Variants in NAALADL2 observed in about 807,000 individuals in gnomAD.
The protein encoded by NAALADL2 is N-acetylated alpha-linked acidic dipeptidase like 2.
Under a neutral mutation model 87.2 loss-of-function variants are expected in NAALADL2, and 76 were observed. The observed-to-expected ratio is 0.87, with a 90% CI of 0.72 to 1.05. The LOEUF is 1.05. Ranked by LOEUF, NAALADL2 falls within the 50% of genes least tolerant of loss-of-function variation. The probability of loss-of-function intolerance (pLI) is 0.00; values close to 1 mark genes in which losing one functional copy is unlikely to be tolerated. For synonymous variants in NAALADL2, 354 were observed against 331.0 expected (o/e 1.07, Z -0.75); for missense variants, 1,089 against 945.8 (o/e 1.15, Z -1.99).
intron 5 of NAALADL2, among the ~76,000 whole-genome samples, chr3:175,339,061 T>C (rs1762321733): frequency 6.6e-6 from 1 of 152,202 alleles, no homozygotes. Context: ...AGCAGAACCC[T>C]GAAGGAGTGG....
chr3:174,476,283 A>G (rs1717205340), intron 1 of NAALADL2, among the ~76,000 whole-genome samples: 1 of 151,428 alleles, frequency 6.6e-6, no homozygotes, highest in African/African-American at 2.4e-5. Context: ...TTTGACGGAC[A>G]GAATTGTTAT....
At chr3:175,498,770 A>G (rs1168445648) in intron 9 of NAALADL2, among the ~76,000 whole-genome samples, 4 of 152,048 alleles carry the variant, frequency 2.6e-5, no homozygotes, top group African/African-American at 9.7e-5. Flanking sequence ...TCCCCCAAAG[A>G]TTCACATGTT....
chr3:175,463,697 C>CGG (rs199840010), intron 7 of NAALADL2, among the ~76,000 whole-genome samples: 8,643 of 104,794 alleles, frequency 0.082, 324 homozygotes, highest in African/African-American at 0.16. Flanking sequence ...AAATCTTAGT[C>CGG]GGGGGAGAGA....
intron 11 of NAALADL2, among the ~76,000 whole-genome samples, chr3:175,643,417 C>T (rs987286652): frequency 9.9e-5 from 15 of 152,252 alleles, no homozygotes; most frequent in East Asian, 1.9e-4. Flanking sequence ...TACTGGGTAA[C>T]GCCAAATTGC....
intron 3 of NAALADL2, among the ~76,000 whole-genome samples, chr3:174,805,872 A>T (rs1719412316): frequency 2.0e-5 from 3 of 149,160 alleles, no homozygotes; most frequent in Admixed American, 6.7e-5. Flanking sequence ...TTTTAGCATA[A>T]ATTATCTACA....
chr3:174,912,578 G>A (rs190790751), intron 1 of NAALADL2, among the ~76,000 whole-genome samples: 138 of 152,228 alleles, frequency 9.1e-4, no homozygotes, highest in Non-Finnish European at 9.7e-4. Context: ...CATGGATAAA[G>A]TCATATTTAC....
At chr3:174,676,340 C>A (rs1727033212) in intron 2 of NAALADL2, among the ~76,000 whole-genome samples, 1 of 151,988 alleles carries the variant, frequency 6.6e-6, no homozygotes, top group Admixed American at 6.6e-5. Context: ...GGAATTAGTT[C>A]AACCATTTTA....
chr3:174,550,134 A>ATTG (rs1322099510), intron 1 of NAALADL2, among the ~76,000 whole-genome samples: 2 of 152,084 alleles, frequency 1.3e-5, no homozygotes, highest in African/African-American at 2.4e-5. Flanking sequence ...AAGCAATCCA[A>ATTG]TTGTTAATTT....
chr3:175,029,157 T>A (rs1752536623), intron 1 of NAALADL2, among the ~76,000 whole-genome samples: 1 of 151,822 alleles, frequency 6.6e-6, no homozygotes. Context: ...CTTTACATGA[T>A]GAACAAAAGA....
At chr3:175,596,039 A>G in intron 10 of NAALADL2, among the ~76,000 whole-genome samples, 2 of 152,180 alleles carry the variant, frequency 1.3e-5, no homozygotes, top group Middle Eastern at 6.8e-3. Flanking sequence ...TAATATTTTT[A>G]AATATAGATT....
intron 2 of NAALADL2, among the ~76,000 whole-genome samples, chr3:175,206,895 G>A (rs911004056): frequency 3.3e-5 from 5 of 152,004 alleles, no homozygotes; most frequent in African/African-American, 1.2e-4. Flanking sequence ...AGCTACTCAG[G>A]TCTTTAAAGA....
At chr3:175,714,603 A>G (rs1030860877) in intron 11 of NAALADL2, among the ~76,000 whole-genome samples, 4 of 151,810 alleles carry the variant, frequency 2.6e-5, no homozygotes, top group African/African-American at 9.7e-5. Flanking sequence ...ACATTTGTTT[A>G]AGTTCTTTGT....
intron 2 of NAALADL2, among the ~76,000 whole-genome samples, chr3:175,157,974 A>G (rs958646479): frequency 6.6e-6 from 1 of 152,130 alleles, no homozygotes. Flanking sequence ...CCATGCACCA[A>G]AACCAAAGGA....
intron 5 of NAALADL2, among the ~76,000 whole-genome samples, chr3:175,328,363 C>T (rs1440268632): frequency 6.6e-6 from 1 of 151,518 alleles, no homozygotes; most frequent in African/African-American, 2.4e-5. Flanking sequence ...TTAGATTGAA[C>T]CTGTATAGGT....
intron 9 of NAALADL2, among the ~76,000 whole-genome samples, chr3:175,556,849 G>A (rs549518055): frequency 1.3e-5 from 2 of 152,192 alleles, no homozygotes; most frequent in Admixed American, 1.3e-4. Flanking sequence ...ATTTTCAGAT[G>A]GTTTTAACAG....
At chr3:175,256,661 AAG>A (rs2109834569) in intron 4 of NAALADL2, 131 bp downstream of exon 4, 8 of 735,042 alleles carry the variant, frequency 1.1e-5, no homozygotes, top group South Asian at 9.9e-5. Flanking sequence ...GAGAGGAAGA[AAG>A]AGAGGCAGAG....
intron 1 of NAALADL2, among the ~76,000 whole-genome samples, chr3:175,031,122 A>G (rs963302752): frequency 6.6e-6 from 1 of 151,948 alleles, no homozygotes; most frequent in South Asian, 2.1e-4. Context: ...TGTTTTTTAA[A>G]ATTTTTTATA....
intron 2 of NAALADL2, among the ~76,000 whole-genome samples, chr3:175,194,783 AT>A (rs1339914547): frequency 6.6e-6 from 1 of 151,776 alleles, no homozygotes; most frequent in South Asian, 2.1e-4. Flanking sequence ...AGTTATTAAG[AT>A]TTTTTTCTAT....
intron 1 of NAALADL2, among the ~76,000 whole-genome samples, chr3:174,529,094 C>G (rs1721017269): frequency 6.6e-6 from 1 of 152,172 alleles, no homozygotes; most frequent in South Asian, 2.1e-4. Flanking sequence ...GTCCCTTCTG[C>G]CTTTGTGCCT....
Sources: gnomAD v4.1 joint callset for allele counts (sites outside exome capture counted in the v4.1 genomes callset) on GRCh38, gnomAD v4.1.1 for gene constraint, MANE v1.5 for transcripts, NCBI Gene and HGNC (gene_info 2026-07-23, HGNC 2026-07-21) for gene names.